Variants in EIPR1 observed in about 807,000 individuals in gnomAD.
EIPR1 encodes the protein EARP complex and GARP complex interacting protein 1.
EIPR1 carries 25 observed loss-of-function variants against 48.1 expected under a neutral mutation model. The observed-to-expected ratio is 0.52, with a 90% CI of 0.38 to 0.73. The LOEUF is 0.73. EIPR1 is among the 30% of genes least tolerant of loss of function. The pLI is 0.00. For synonymous variants in EIPR1, 204 were observed against 201.9 expected (o/e 1.01, Z -0.09); for missense variants, 415 against 506.2 (o/e 0.82, Z 1.73).
chr2:3,294,615 T>TA (rs1668476817), intron 3 of EIPR1, among the ~76,000 whole-genome samples: 1 of 95,550 alleles, frequency 1.0e-5, no homozygotes, highest in African/African-American at 4.2e-5. Context: ...CCATCCTCTC[T>TA]CCACACACAC....
intron 3 of EIPR1, among the ~76,000 whole-genome samples, chr2:3,315,041 C>T (rs542957401): frequency 2.0e-5 from 3 of 147,060 alleles, no homozygotes; most frequent in African/African-American, 5.1e-5. Context: ...CACCATCACC[C>T]GCCACCCGCC....
chr2:3,191,688 C>T (rs577845355), intron 8 of EIPR1, among the ~76,000 whole-genome samples: 1 of 152,186 alleles, frequency 6.6e-6, no homozygotes, highest in Non-Finnish European at 1.5e-5. Context: ...CCCCAGGAAG[C>T]GGCTGCCACT....
At chr2:3,355,841 T>TA (rs1231373876) in intron 1 of EIPR1, among the ~76,000 whole-genome samples, 133 of 145,950 alleles carry the variant, frequency 9.1e-4, no homozygotes, top group African/African-American at 1.4e-3. Flanking sequence ...TAAAATAAAA[T>TA]GAATAAATAA....
rs757649465 is a variant in EIPR1, at chr2:3,192,553, G to A, written c.850C>T (p.His284Tyr). 3 of 1,612,398 alleles carry A rather than the reference G, an allele frequency of 1.9e-6. No individual in the cohort carries two copies. Among genetic ancestry groups the A allele is most frequent in the African/African-American group, 1.3e-5 (1 of 74,920 alleles). ...WVWNVRYNHS[H>Y]DQLVLTGSSD... Reference sequence around the variant, plus strand: ...CTGCCCGTGAGGACCAGCTGGTCATGAGAGTGGTTGTAGCGGACGTTCCAC... The same window carrying A: ...CTGCCCGTGAGGACCAGCTGGTCATAAGAGTGGTTGTAGCGGACGTTCCAC... Residue 284 changes from histidine (H) to tyrosine (Y), a missense_variant, in exon 8 of 9, where the codon CAT becomes TAT. His to Tyr is a moderately conservative substitution (Grantham distance 83). Coordinates refer to ENST00000382125, the MANE Select transcript of EIPR1 (RefSeq NM_003310.5).
chr2:3,363,541 T>C (rs1670899757), intron 1 of EIPR1, among the ~76,000 whole-genome samples: 1 of 151,842 alleles, frequency 6.6e-6, no homozygotes, highest in East Asian at 1.9e-4. Context: ...ACATAAAATA[T>C]AAAAGTCAGC....
chr2:3,317,757 T>C (rs998378151), intron 3 of EIPR1, among the ~76,000 whole-genome samples: 12 of 152,098 alleles, frequency 7.9e-5, no homozygotes, highest in Non-Finnish European at 1.5e-4. Context: ...CCTGGGTCCC[T>C]ATGAGAAGAG....
chr2:3,214,406 ACACTGTTGTTGTCT>A, intron 4 of EIPR1, 158 bp from the exon 5 acceptor site: 1 of 616,066 alleles, frequency 1.6e-6, no homozygotes. Flanking sequence ...ATGCCTGACA[ACACTGTTGTTGTCT>A]CACTGTTATG....
intron 4 of EIPR1, among the ~76,000 whole-genome samples, chr2:3,215,171 T>G (rs796828060): frequency 3.3e-5 from 5 of 152,208 alleles, no homozygotes; most frequent in African/African-American, 1.2e-4. Flanking sequence ...AACTAAGGAA[T>G]GGACACTGAC....
intron 4 of EIPR1, among the ~76,000 whole-genome samples, chr2:3,229,654 T>C (rs2085007): frequency 0.91 from 139,245 of 152,298 alleles, 64,149 homozygotes; most frequent in East Asian, 0.98. Context: ...ATAAGCAGTA[T>C]TCCATTAAGT....
intron 4 of EIPR1, among the ~76,000 whole-genome samples, chr2:3,219,705 T>C (rs1364377718): frequency 6.6e-6 from 1 of 151,164 alleles, no homozygotes. Context: ...AACCCTGGTA[T>C]ACTCTAGAGC....
chr2:3,317,498 C>T (rs1057180692), intron 3 of EIPR1, among the ~76,000 whole-genome samples: 3 of 152,204 alleles, frequency 2.0e-5, no homozygotes, highest in East Asian at 1.9e-4. Context: ...GGGTGGAGCA[C>T]GGAGTGCCGG....
chr2:3,199,442 T>C (rs945811715), intron 5 of EIPR1, among the ~76,000 whole-genome samples: 1 of 152,190 alleles, frequency 6.6e-6, no homozygotes, highest in African/African-American at 2.4e-5. Context: ...AAGTGATAAA[T>C]GTCCATGAAA....
At chr2:3,301,898 G>A (rs546422377) in intron 3 of EIPR1, among the ~76,000 whole-genome samples, 22 of 152,256 alleles carry the variant, frequency 1.4e-4, no homozygotes, top group African/African-American at 5.3e-4. Context: ...CTCACATCTG[G>A]GCTTCTCACT....
chr2:3,189,191 G>T lies in EIPR1; in HGVS notation c.*143C>A. 1 of 868,486 alleles carries T rather than the reference G, an allele frequency of 1.2e-6. No individual in the cohort carries two copies. Among genetic ancestry groups the T allele is most frequent in the Non-Finnish European group, 1.7e-6 (1 of 605,542 alleles). 53.8% of individuals were successfully genotyped at this position (868,486 alleles called of 1,614,324 possible). The stretch of plus-strand genomic sequence containing the variant: ...AGCCCCATTCACCCCATTCATAAAT[G>T]CTGCTGCTACAGGAAGGGAACAGCG... On this transcript the variant is annotated 3_prime_UTR_variant, in exon 9 of 9. Transcript: ENST00000382125. The surrounding 1 kb of genome is among the most constrained non-coding windows in gnomAD (Gnocchi z 4.6).
At chr2:3,360,141 C>A (rs554780875) in intron 1 of EIPR1, among the ~76,000 whole-genome samples, 1 of 152,112 alleles carries the variant, frequency 6.6e-6, no homozygotes, top group Admixed American at 6.5e-5. Context: ...CAGTGGCTCA[C>A]GCCTGTAATC....
Position 3,189,494 on chromosome 2 carries a change from A to T in EIPR1, c.1004T>A (p.Leu335Gln). The change falls in exon 9 of 9, where the codon CTG becomes CAG. Residue 335 changes from leucine (L) to glutamine (Q), a missense_variant. Leu to Gln is a moderately radical substitution (Grantham distance 113). Coordinates refer to ENST00000382125, the MANE Select transcript of EIPR1 (RefSeq NM_003310.5). This position sits in a 1 kb window ranked among gnomAD's most constrained non-coding sequence, Gnocchi z 4.6. ...GTAGGTGGCGATCACGTTGTCCTGC[A>T]GGGGCTCCTTGCTCCTGCAATGCAA... ...HRSEEKSKEP[L>Q]QDNVIATYEE... The T allele has an allele frequency of 6.4e-7, 1 of 1,558,680 alleles. No homozygotes were observed. Among genetic ancestry groups the T allele is most frequent in the Non-Finnish European group, 8.7e-7 (1 of 1,144,014 alleles).
rs542247455 is a variant in EIPR1, at chr2:3,253,074, A to G, written c.416+4225T>C. ...CTTTAAGTCTGATAGGAAACATTTT[A>G]TAGCCTGTTCTCTCGGAAGCTGCCA... On this transcript the variant is annotated intron_variant, in intron 4 of 8. Transcript: ENST00000382125. Among the ~76,000 whole-genome samples, 22 of 152,268 alleles carry G rather than the reference A, an allele frequency of 1.4e-4. 1 individual carries two copies. The highest frequency in any genetic ancestry group is 5.3e-4 in the African/African-American group (22 of 41,558).
chr2:3,370,545 G>A (rs1004267107), intron 1 of EIPR1, among the ~76,000 whole-genome samples: 6 of 152,202 alleles, frequency 3.9e-5, no homozygotes, highest in African/African-American at 1.4e-4. Context: ...GTGCTTAAAG[G>A]AGCTGATGGA....
At chr2:3,302,661 C>T (rs1668796388) in intron 3 of EIPR1, among the ~76,000 whole-genome samples, 1 of 152,260 alleles carries the variant, frequency 6.6e-6, no homozygotes, top group South Asian at 2.1e-4. Context: ...TGGCCATTGC[C>T]AGAAGCCCAG....
Sources: gnomAD v4.1 joint callset for allele counts (sites outside exome capture counted in the v4.1 genomes callset) on GRCh38, gnomAD v4.1.1 for gene constraint, Gnocchi (gnomAD v3.1) non-coding constraint, MANE v1.5 for transcripts, NCBI Gene and HGNC (gene_info 2026-07-23, HGNC 2026-07-21) for gene names.